The following OTUD7A variants were observed in gnomAD, a reference collection of about 807,000 sequenced individuals.
OTUD7A encodes the protein OTU domain-containing protein 7A.
OTUD7A carries 12 observed loss-of-function variants against 65.7 expected under a neutral mutation model. The observed-to-expected ratio is 0.18, with a 90% CI of 0.12 to 0.30. OTUD7A has a LOEUF of 0.30. Ranked by LOEUF, OTUD7A falls within the 10% of genes least tolerant of loss-of-function variation. The pLI is 1.00. For missense variants in OTUD7A, 1,148 were observed against 1,304.8 expected, an observed-to-expected ratio of 0.88 and a Z score of 1.85; for synonymous variants, 641 against 586.3, an observed-to-expected ratio of 1.09 and a Z score of -1.35.
Position 31,495,738 on chromosome 15 carries a change from C to T in OTUD7A, c.1171+5952G>A, listed in dbSNP as rs373747221. Among the ~76,000 whole-genome samples the T allele has an allele frequency of 3.3e-4, 51 of 152,300 alleles. No individual in the cohort carries two copies. The South Asian group carries it at 7.2e-3, about 22-fold the overall frequency. On this transcript the variant is annotated intron_variant, in intron 10 of 12. Coordinates refer to ENST00000307050, the MANE Select transcript of OTUD7A (RefSeq NM_001382637.1). ...CAAGAGAAGGGAGACTAATTACAAA[C>T]GTAATTCAGTTTGGGGGCACTTCTG...
At chr15:31,664,218 T>A (rs1892253810) in intron 1 of OTUD7A, among the ~76,000 whole-genome samples, 1 of 150,958 alleles carries the variant, frequency 6.6e-6, no homozygotes, top group Non-Finnish European at 1.5e-5. Context: ...AAATGGTAGC[T>A]CTACTTTTAG....
chr15:31,789,706 CTT>C (rs11354353), intron 1 of OTUD7A, among the ~76,000 whole-genome samples: 557 of 105,870 alleles, frequency 5.3e-3, no homozygotes, highest in South Asian at 8.5e-3. Flanking sequence ...CAATGCTGCC[CTT>C]TTTTTTTTTT....
At chr15:31,549,135 CA>C (rs568463366) in intron 5 of OTUD7A, among the ~76,000 whole-genome samples, 4,010 of 65,090 alleles carry the variant, frequency 0.062, 150 homozygotes, top group African/African-American at 0.15. Context: ...GGCCTTGTCT[CA>C]AAAAAAAAAA....
At chr15:31,562,333 T>C (rs1414895653) in intron 4 of OTUD7A, among the ~76,000 whole-genome samples, 1 of 152,320 alleles carries the variant, frequency 6.6e-6, no homozygotes. Flanking sequence ...GGAGGCAACG[T>C]TCCTTTGCCC....
chr15:31,696,028 C>T (rs73376587), intron 1 of OTUD7A, among the ~76,000 whole-genome samples: 10,325 of 147,496 alleles, frequency 0.07, no homozygotes, highest in African/African-American at 0.26. Context: ...CCGCAGAGAA[C>T]CTCCAGTGCA....
chr15:31,783,026 G>A (rs1895581603), intron 1 of OTUD7A, among the ~76,000 whole-genome samples: 1 of 152,166 alleles, frequency 6.6e-6, no homozygotes, highest in Non-Finnish European at 1.5e-5. Flanking sequence ...ACTCAGGGCT[G>A]GGCCTTTGTG....
At chr15:31,816,276 G>C (rs1258403483) in intron 1 of OTUD7A, among the ~76,000 whole-genome samples, 1 of 152,184 alleles carries the variant, frequency 6.6e-6, no homozygotes, top group Non-Finnish European at 1.5e-5. Flanking sequence ...ACTAAACAAA[G>C]GAGATATTTG....
intron 6 of OTUD7A, among the ~76,000 whole-genome samples, chr15:31,528,684 T>C (rs1036946138): frequency 6.6e-6 from 1 of 152,232 alleles, no homozygotes; most frequent in Non-Finnish European, 1.5e-5. Flanking sequence ...CTTGCAGAGA[T>C]GGCCTCCTTG....
rs576576003 is a variant in OTUD7A at position 31,480,298 on chromosome 15, A to G, written c.*2996T>C. ...TATTTTAAAAAAATCATTTACCCAG[A>G]TAACAAATGTGCAGGAAATGTAAAG... On this transcript the variant is annotated 3_prime_UTR_variant, in exon 13 of 13. Transcript: ENST00000307050. 3.3e-5 allele frequency: 5 copies of G among 152,386 alleles called. No homozygotes were observed. The highest frequency in any genetic ancestry group is 7.2e-5 in the African/African-American group (3 of 41,584). 9.4% of individuals were successfully genotyped at this position (152,386 alleles called of 1,614,324 possible).
intron 1 of OTUD7A, among the ~76,000 whole-genome samples, chr15:31,855,149 A>C (rs1201199782): frequency 6.6e-6 from 1 of 151,758 alleles, no homozygotes; most frequent in African/African-American, 2.4e-5. Flanking sequence ...TATCTCTGTC[A>C]ATTACAAGGG....
chr15:31,778,716 A>C (rs1453761299), intron 1 of OTUD7A, among the ~76,000 whole-genome samples: 1 of 152,048 alleles, frequency 6.6e-6, no homozygotes, highest in Non-Finnish European at 1.5e-5. Flanking sequence ...GAAAAAGTAA[A>C]CAAGATGTGT....
chr15:31,617,591 A>G (rs1024018684), intron 3 of OTUD7A, among the ~76,000 whole-genome samples: 5 of 152,184 alleles, frequency 3.3e-5, no homozygotes, highest in African/African-American at 1.2e-4. Flanking sequence ...TATATACTGC[A>G]TGATTCCATG....
At chr15:31,623,150 C>T (rs1335889874) in intron 3 of OTUD7A, among the ~76,000 whole-genome samples, 5 of 152,154 alleles carry the variant, frequency 3.3e-5, no homozygotes, top group African/African-American at 4.8e-5. Flanking sequence ...GGTACCCAGC[C>T]GTGTGAGGTG....
chr15:31,755,517 C>G (rs1295978247), intron 1 of OTUD7A, among the ~76,000 whole-genome samples: 8 of 152,060 alleles, frequency 5.3e-5, no homozygotes, highest in Non-Finnish European at 1.0e-4. Flanking sequence ...GTCAGGAGAT[C>G]GAGACCATTC....
intron 1 of OTUD7A, chr15:31,766,712 C>G: frequency 6.2e-7 from 1 of 1,610,222 alleles, no homozygotes; most frequent in Non-Finnish European, 8.5e-7. Context: ...TGGTCTTGAA[C>G]AATCAAAGTA....
chr15:31,863,695 C>T (rs2141019748), intron 1 of OTUD7A, among the ~76,000 whole-genome samples: 1 of 152,348 alleles, frequency 6.6e-6, no homozygotes, highest in Non-Finnish European at 1.5e-5. Flanking sequence ...GCCTCCAGAC[C>T]TGTTCTCCAG....
intron 8 of OTUD7A, among the ~76,000 whole-genome samples, chr15:31,506,724 A>T (rs897172597): frequency 5.3e-5 from 8 of 152,054 alleles, no homozygotes; most frequent in African/African-American, 1.9e-4. Flanking sequence ...GGAATATTAA[A>T]TTTTTTTCTT....
intron 1 of OTUD7A, among the ~76,000 whole-genome samples, chr15:31,807,865 C>A (rs1416953616): frequency 6.6e-6 from 1 of 151,978 alleles, no homozygotes; most frequent in Non-Finnish European, 1.5e-5. Flanking sequence ...CTGAACCTTT[C>A]CCAGGAATTT....
intron 3 of OTUD7A, among the ~76,000 whole-genome samples, chr15:31,617,344 G>A (rs917478933): frequency 8.5e-5 from 13 of 152,196 alleles, no homozygotes; most frequent in African/African-American, 3.1e-4. Context: ...AAAATTAGCT[G>A]GCCGTGGTGG....
Sources: allele counts gnomAD v4.1 joint callset (sites outside exome capture counted in the v4.1 genomes callset), GRCh38; gene constraint gnomAD v4.1.1; transcripts MANE v1.5; gene names NCBI Gene and HGNC (gene_info 2026-07-23, HGNC 2026-07-21).